HECW1: variants seen among roughly 807,000 people sequenced by gnomAD.
The protein encoded by HECW1 is E3 ubiquitin-protein ligase HECW1.
HECW1 carries 61 observed loss-of-function variants against 182.3 expected under a neutral mutation model. That is an observed-to-expected ratio of 0.33 (90% CI 0.27 to 0.41). The LOEUF (loss-of-function observed/expected upper bound fraction) is 0.41. HECW1 is among the 10% of genes least tolerant of loss of function. The pLI, the probability that HECW1 is intolerant of heterozygous loss-of-function variation, is 1.00. For synonymous variants in HECW1, 859 were observed against 832.6 expected, an observed-to-expected ratio of 1.03 and a Z score of -0.55; for missense variants, 1,739 against 2,108.9, an observed-to-expected ratio of 0.82 and a Z score of 3.44.
At chr7:43,159,236 A>T (rs1309292654) in intron 2 of HECW1, among the ~76,000 whole-genome samples, 3 of 150,686 alleles carry the variant, frequency 2.0e-5, no homozygotes, top group Non-Finnish European at 4.4e-5. Flanking sequence ...CACAATGTGC[A>T]GGTTTGATAT....
At chr7:43,457,588 C>G (rs997708198) in intron 13 of HECW1, among the ~76,000 whole-genome samples, 2 of 152,026 alleles carry the variant, frequency 1.3e-5, no homozygotes, top group Admixed American at 6.5e-5. Context: ...GCCTGGCCAA[C>G]ATGGTAAAAC....
At chr7:43,425,309 G>T (rs2076326713) in intron 8 of HECW1, among the ~76,000 whole-genome samples, 1 of 137,934 alleles carries the variant, frequency 7.2e-6, no homozygotes, top group Non-Finnish European at 1.5e-5. Flanking sequence ...ATAGATGATA[G>T]ATAGATAGAT....
chr7:43,165,720 T>C (rs950829452), intron 2 of HECW1, among the ~76,000 whole-genome samples: 2 of 152,194 alleles, frequency 1.3e-5, no homozygotes, highest in African/African-American at 4.8e-5. Context: ...CAATCAATCA[T>C]GCCAGCAGTT....
At chr7:43,549,065 C>A (rs2081687360) in intron 26 of HECW1, among the ~76,000 whole-genome samples, 2 of 152,202 alleles carry the variant, frequency 1.3e-5, no homozygotes, top group South Asian at 4.1e-4. Context: ...CGTACAGCAT[C>A]CCAACCATCA....
rs368052401 is a variant in HECW1, at chr7:43,128,908, TAAC to T, written c.-32+14522_-32+14524del. On this transcript the variant is annotated intron_variant, in intron 2 of 29. Coordinates refer to ENST00000395891, the MANE Select transcript of HECW1 (RefSeq NM_015052.5). Reference sequence around the variant, plus strand: ...GAAGTCACTGCAGATGGAATGGAAATAACAACAGAACTAGAATTGGAAATGGAG... The same window carrying T: ...GAAGTCACTGCAGATGGAATGGAAATAACAGAACTAGAATTGGAAATGGAG... 3.5e-3 allele frequency among the ~76,000 whole-genome samples: 529 copies of T among 152,050 alleles called. 5 individuals carry two copies. Among genetic ancestry groups the T allele is most frequent in the African/African-American group, 0.012 (504 of 41,554 alleles).
intron 2 of HECW1, among the ~76,000 whole-genome samples, chr7:43,225,085 A>G (rs1388223393): frequency 6.6e-6 from 1 of 152,198 alleles, no homozygotes; most frequent in Non-Finnish European, 1.5e-5. Flanking sequence ...GGAAGATGAC[A>G]GGTGACACAT....
In HECW1 at chr7:43,500,738, G is replaced by A; in HGVS notation, c.3477G>A (p.Gly1159=). ...ACATTCGGACTGAGGGTAATCACGGGCTTGAGAAGTTGTCCTGTGATGCGG... is the reference window on the plus strand; with the variant it reads ...ACATTCGGACTGAGGGTAATCACGGACTTGAGAAGTTGTCCTGTGATGCGG... ...IHYIRTEGNH[G]LEKLSCDADL... Residue 1159 remains glycine (G), a synonymous_variant, in exon 20 of 30, where the codon GGG becomes GGA. Transcript: ENST00000395891. 6.2e-7 allele frequency: 1 copy of A among 1,613,878 alleles called. No homozygotes were observed. The highest frequency in any genetic ancestry group is 8.5e-7 in the Non-Finnish European group (1 of 1,179,806).
At chr7:43,414,818 G>A (rs1236792019) in intron 8 of HECW1, among the ~76,000 whole-genome samples, 1 of 151,820 alleles carries the variant, frequency 6.6e-6, no homozygotes, top group Non-Finnish European at 1.5e-5. Context: ...ACTTGATCAT[G>A]GTGGATAAGC....
At chr7:43,185,494 A>G (rs974548274) in intron 2 of HECW1, among the ~76,000 whole-genome samples, 3 of 152,306 alleles carry the variant, frequency 2.0e-5, no homozygotes, top group Non-Finnish European at 4.4e-5. Context: ...TCAACCTGTG[A>G]GATCTGATGC....
At chr7:43,455,307 A>C (rs1162112648) in intron 12 of HECW1, among the ~76,000 whole-genome samples, 1 of 152,202 alleles carries the variant, frequency 6.6e-6, no homozygotes, top group Non-Finnish European at 1.5e-5. Flanking sequence ...GTTAATTAAC[A>C]ACTTATCAAA....
chr7:43,276,230 G>C (rs535456162), intron 3 of HECW1, among the ~76,000 whole-genome samples: 1 of 152,138 alleles, frequency 6.6e-6, no homozygotes, highest in Non-Finnish European at 1.5e-5. Context: ...CTGACTCCTA[G>C]CATAGCCTGT....
intron 6 of HECW1, among the ~76,000 whole-genome samples, chr7:43,363,013 C>A (rs1816162513): frequency 2.0e-5 from 3 of 152,198 alleles, no homozygotes; most frequent in Non-Finnish European, 1.5e-5. Flanking sequence ...TTACCTGAAG[C>A]ACTTTTTCTT....
At chr7:43,235,271 T>C (rs1351381424) in intron 2 of HECW1, among the ~76,000 whole-genome samples, 1 of 151,980 alleles carries the variant, frequency 6.6e-6, no homozygotes, top group Non-Finnish European at 1.5e-5. Flanking sequence ...CTCTGAGGAG[T>C]GGCCACAGCA....
chr7:43,551,018 A>T (rs118147612), intron 27 of HECW1, among the ~76,000 whole-genome samples: 5,198 of 152,258 alleles, frequency 0.034, 121 homozygotes, highest in Non-Finnish European at 0.052. Context: ...GTGCCACGTA[A>T]TCTATGCTGA....
chr7:43,242,671 C>A (rs1798994314), intron 2 of HECW1, among the ~76,000 whole-genome samples: 1 of 152,152 alleles, frequency 6.6e-6, no homozygotes, highest in East Asian at 1.9e-4. Context: ...AGGCCAGAGG[C>A]AGGGACATGG....
At chr7:43,326,040 T>A (rs1205030850) in intron 5 of HECW1, among the ~76,000 whole-genome samples, 1 of 152,106 alleles carries the variant, frequency 6.6e-6, no homozygotes, top group South Asian at 2.1e-4. Flanking sequence ...GGCTGGGAAG[T>A]CCATGATCAC....
At chr7:43,281,371 C>T (rs1323003505) in intron 3 of HECW1, among the ~76,000 whole-genome samples, 1 of 152,222 alleles carries the variant, frequency 6.6e-6, no homozygotes, top group East Asian at 1.9e-4. Flanking sequence ...TGGGTGGACA[C>T]CTGCTGTGTG....
chr7:43,387,593 A>G (rs1164471912), intron 6 of HECW1, among the ~76,000 whole-genome samples: 1 of 152,266 alleles, frequency 6.6e-6, no homozygotes, highest in Non-Finnish European at 1.5e-5. Flanking sequence ...TTTAAAGGAT[A>G]TAAATTACCA....
In HECW1 at chr7:43,139,271, G is replaced by C. The variant is rs141146575; in HGVS notation, c.-32+24880G>C. Among the ~76,000 whole-genome samples, 4 of 152,352 alleles carry C rather than the reference G, an allele frequency of 2.6e-5. No homozygotes were observed. In the East Asian group the frequency reaches 7.7e-4, roughly 29 times the overall value. On this transcript the variant is annotated intron_variant, in intron 2 of 29. Coordinates refer to ENST00000395891, the MANE Select transcript of HECW1 (RefSeq NM_015052.5). Reference sequence around the variant, plus strand: ...TTTCAGGCCTAGTGTTTAATGGGGAGCACCATGGCAAACCTCAGCCTGGGC... The same window carrying C: ...TTTCAGGCCTAGTGTTTAATGGGGACCACCATGGCAAACCTCAGCCTGGGC...
Sources: allele counts gnomAD v4.1 joint callset (sites outside exome capture counted in the v4.1 genomes callset), GRCh38; gene constraint gnomAD v4.1.1; transcripts MANE v1.5; gene names NCBI Gene and HGNC (gene_info 2026-07-23, HGNC 2026-07-21).